LRP1: variants seen among roughly 807,000 people sequenced by gnomAD.
LRP1 encodes the protein prolow-density lipoprotein receptor-related protein 1.
LRP1 carries 51 observed loss-of-function variants against 541.5 expected under a neutral mutation model. The observed-to-expected ratio is 0.09, with a 90% CI of 0.08 to 0.12. The LOEUF is 0.12. Among genes scored for constraint, LRP1 ranks in the 10% least tolerant of loss-of-function variants. LRP1 has a pLI of 1.00. For missense variants in LRP1, 3,878 were observed against 6,376.2 expected (o/e 0.61, Z 13.34); for synonymous variants, 2,219 against 2,470.8 (o/e 0.90, Z 3.02).
intron 34 of LRP1, among the ~76,000 whole-genome samples, chr12:57,182,190 G>T (rs1218546063): frequency 6.6e-6 from 1 of 152,126 alleles, no homozygotes; most frequent in Admixed American, 6.5e-5. Flanking sequence ...AGGATTCTGA[G>T]GTGCATGGGT....
chr12:57,142,823 G>A (rs1050599159), intron 3 of LRP1, among the ~76,000 whole-genome samples: 2 of 152,148 alleles, frequency 1.3e-5, no homozygotes, highest in African/African-American at 4.8e-5. Context: ...GAAGTGGGGA[G>A]GAGAAAGAAT....
chr12:57,201,565 G>A lies in LRP1; in HGVS notation c.10414G>A (p.Val3472Ile). 1 of 1,614,122 alleles carries A rather than the reference G, an allele frequency of 6.2e-7. No individual in the cohort carries two copies. The highest frequency in any genetic ancestry group is 8.5e-7 in the Non-Finnish European group (1 of 1,180,008). Residue 3472 changes from valine (V) to isoleucine (I), a missense_variant, in exon 66 of 89, where the codon GTC (valine) becomes ATC (isoleucine). Physicochemically the swap from Val to Ile is conservative, Grantham distance 29. This residue lies in a region of LRP1 where 278 missense variants were observed against 536.3 expected (regional missense o/e 0.52). Transcript: ENST00000243077. The surrounding 1 kb of genome is among the most constrained non-coding windows in gnomAD (Gnocchi z 6.4). ...ITKRCIPRVWVCDRDNDCVDG... is the reference protein window; with the variant it reads ...ITKRCIPRVWICDRDNDCVDG... ...CAAACGGTGCATCCCCCGGGTCTGGGTCTGCGACCGGGACAATGACTGTGT... is the reference window on the plus strand; with the variant it reads ...CAAACGGTGCATCCCCCGGGTCTGGATCTGCGACCGGGACAATGACTGTGT...
At chr12:57,153,933 T>A (rs1225963214) in intron 6 of LRP1, among the ~76,000 whole-genome samples, 2 of 149,936 alleles carry the variant, frequency 1.3e-5, no homozygotes, top group African/African-American at 4.9e-5. Flanking sequence ...AAAACTGGAC[T>A]GAGCTAGTGG....
At chr12:57,198,019 A>T in intron 58 of LRP1, 137 bp from the exon 59 acceptor site, 1 of 722,908 alleles carries the variant, frequency 1.4e-6, no homozygotes, top group South Asian at 1.9e-5. Context: ...TGGGCATTTT[A>T]CTTCCATGGT....
At chr12:57,131,478 C>G (rs111305199) in intron 1 of LRP1, among the ~76,000 whole-genome samples, 5 of 152,224 alleles carry the variant, frequency 3.3e-5, no homozygotes, top group African/African-American at 1.2e-4. Flanking sequence ...TTTTTCCTGA[C>G]CTTCCTCCAC....
Position 57,183,968 on chromosome 12 carries a change from G to C in LRP1, c.5929+59G>C. ...GTGGCAGAGGACTGGGGGACGAAGT[G>C]AGAGGAGGAGTTGGCGGGAGCAGGA... On this transcript the variant is annotated intron_variant, in intron 36 of 88. Coordinates refer to ENST00000243077, the MANE Select transcript of LRP1 (RefSeq NM_002332.3). This position sits in a 1 kb window ranked among gnomAD's most constrained non-coding sequence, Gnocchi z 6.1. The C allele has an allele frequency of 1.2e-6, 2 of 1,610,046 alleles. No homozygotes were observed. The highest frequency in any genetic ancestry group is 1.7e-6 in the Non-Finnish European group (2 of 1,177,304).
In LRP1 at chr12:57,173,075, A is replaced by G; in HGVS notation, c.3164-93A>G. On this transcript the variant is annotated intron_variant, in intron 20 of 88. Coordinates refer to ENST00000243077, the MANE Select transcript of LRP1 (RefSeq NM_002332.3). The surrounding 1 kb of genome is among the most constrained non-coding windows in gnomAD (Gnocchi z 4.7). ...CAGGCCTGCCTCTGCTCATATCCCC[A>G]GGCTGGGCTTACCGGGGTGGCAGGG... is the stretch of plus-strand genomic sequence containing the variant. 1.9e-6 allele frequency: 2 copies of G among 1,065,630 alleles called. No homozygotes were observed. The highest frequency in any genetic ancestry group is 2.7e-6 in the Non-Finnish European group (2 of 740,700). 66.0% of individuals were successfully genotyped at this position (1,065,630 alleles called of 1,614,324 possible).
intron 51 of LRP1, 21 bp downstream of exon 51, chr12:57,195,122 C>T (rs377245190): frequency 6.2e-7 from 1 of 1,608,578 alleles, no homozygotes; most frequent in African/African-American, 1.3e-5. Context: ...TGGGATTGGG[C>T]CGGGGGAGGT....
At chr12:57,146,123 A>G (rs1176848413) in intron 6 of LRP1, among the ~76,000 whole-genome samples, 1 of 152,136 alleles carries the variant, frequency 6.6e-6, no homozygotes, top group Non-Finnish European at 1.5e-5. Flanking sequence ...TAGTTGTGGA[A>G]GAAGGGGTGT....
chr12:57,194,302 C>A, intron 48 of LRP1, 52 bp from the exon 49 acceptor site: 1 of 1,500,366 alleles, frequency 6.7e-7, no homozygotes, highest in South Asian at 1.3e-5. Flanking sequence ...CTGCCCCAGT[C>A]GGGGGTGATC....
In LRP1 at chr12:57,140,364, G is replaced by C. The variant is rs558044178; in HGVS notation, c.191-1010G>C. ...CCACATGTGCTATTTTGAAATTTTC[G>C]AGTAGCCACTTAAAAAAGGTAAAAA... On this transcript the variant is annotated intron_variant, in intron 2 of 88. Coordinates refer to ENST00000243077, the MANE Select transcript of LRP1 (RefSeq NM_002332.3). 1.3e-4 allele frequency among the ~76,000 whole-genome samples: 20 copies of C among 152,190 alleles called. No individual in the cohort carries two copies. The South Asian group carries it at 1.7e-3, about 13-fold the overall frequency.
Position 57,209,759 on chromosome 12 carries a change from T to C in LRP1, c.12330T>C (p.Asn4110=). Residue 4110 remains asparagine (N), a synonymous_variant, in exon 80 of 89, where the codon AAT becomes AAC. Coordinates refer to ENST00000243077, the MANE Select transcript of LRP1 (RefSeq NM_002332.3). ...TCTATGGTGTCACCTACATCAATAA[T>C]CGTGTCTTCAAGATCCATAAGTTTG... is the stretch of plus-strand genomic sequence containing the variant. ...DYIYGVTYIN[N]RVFKIHKFGH... is the part of the protein sequence containing the mutation. 6.2e-7 allele frequency: 1 copy of C among 1,614,194 alleles called. No individual in the cohort carries two copies. The highest frequency in any genetic ancestry group is 8.5e-7 in the Non-Finnish European group (1 of 1,180,008).
intron 62 of LRP1, 165 bp from the exon 63 acceptor site, chr12:57,200,277 C>T (rs940602513): frequency 1.5e-6 from 1 of 656,244 alleles, no homozygotes; most frequent in Admixed American, 2.4e-5. Context: ...CACCCTATCC[C>T]ACGCAGCCCC....
intron 33 of LRP1, 45 bp downstream of exon 33, chr12:57,180,852 G>A (rs2036150671): frequency 6.2e-7 from 1 of 1,608,148 alleles, no homozygotes; most frequent in African/African-American, 1.3e-5. Context: ...GGGGCAACAG[G>A]GGAGCCGTCC....
chr12:57,211,603 G>A lies in LRP1; in HGVS notation c.13193+15G>A, dbSNP rs1345258026. On this transcript the variant is annotated intron_variant, in intron 85 of 88. Transcript: ENST00000243077. This position sits in a 1 kb window ranked among gnomAD's most constrained non-coding sequence, Gnocchi z 4.3. ...CCTGAGTGCCAGTGAGTTGGGCCCG[G>A]GCTTCACCCAGGCATAGATCATCGC... The A allele has an allele frequency of 6.2e-7, 1 of 1,613,334 alleles. No individual in the cohort carries two copies. Among genetic ancestry groups the A allele is most frequent in the Non-Finnish European group, 8.5e-7 (1 of 1,179,450 alleles).
chr12:57,193,359 T>C, intron 46 of LRP1, 55 bp downstream of exon 46: 1 of 1,595,996 alleles, frequency 6.3e-7, no homozygotes, highest in South Asian at 1.1e-5. Context: ...CAGGTCCTCC[T>C]CCCCCAGGCC....
At chr12:57,132,734 T>C (rs572958771) in intron 1 of LRP1, among the ~76,000 whole-genome samples, 72 of 152,362 alleles carry the variant, frequency 4.7e-4, no homozygotes, top group South Asian at 1.2e-3. Flanking sequence ...TTCTCTGCCC[T>C]GCTTTCTGCG....
chr12:57,174,095 C>T (rs906517321), intron 22 of LRP1, 115 bp downstream of exon 22: 22 of 1,070,454 alleles, frequency 2.1e-5, no homozygotes, highest in Admixed American at 1.0e-4. Flanking sequence ...GCCGGGCAGG[C>T]GAGCAGCACC....
At position 57,205,536 on chromosome 12, in the gene LRP1, T is replaced by C. The variant is rs1410121045; in HGVS notation, c.11471-22T>C. On this transcript the variant is annotated intron_variant, in intron 74 of 88. Coordinates refer to ENST00000243077, the MANE Select transcript of LRP1 (RefSeq NM_002332.3). The surrounding 1 kb of genome is among the most constrained non-coding windows in gnomAD (Gnocchi z 4.6). ...TGGACACCCCAACTGTGGACTCTCA[T>C]GACCCTCCCTGTAACCCTTAGACAT... is the stretch of plus-strand genomic sequence containing the variant. 2.5e-6 allele frequency: 4 copies of C among 1,613,882 alleles called. No individual in the cohort carries two copies. The Admixed American group carries it at 6.7e-5, about 27-fold the overall frequency.
Sources: allele counts gnomAD v4.1 joint callset (sites outside exome capture counted in the v4.1 genomes callset), GRCh38; gene constraint gnomAD v4.1.1; regional missense constraint gnomAD v4.1.1; non-coding constraint Gnocchi (gnomAD v3.1); transcripts MANE v1.5; gene names NCBI Gene and HGNC (gene_info 2026-07-23, HGNC 2026-07-21).